The following VSTM2A variants were observed in gnomAD, a reference collection of about 807,000 sequenced individuals.
VSTM2A encodes the protein V-set and transmembrane domain-containing protein 2A.
In VSTM2A, 13 loss-of-function variants were observed where a neutral mutation model predicts 27.3. The ratio of observed to expected loss-of-function variants is 0.48; its 90% CI spans 0.31 to 0.76. The LOEUF (loss-of-function observed/expected upper bound fraction) is 0.76, where lower values mean the gene tolerates loss of function less well. VSTM2A is among the 30% of genes least tolerant of loss of function. The probability of loss-of-function intolerance (pLI) is 0.05; values close to 1 mark genes in which losing one functional copy is unlikely to be tolerated. For synonymous variants in VSTM2A, 142 were observed against 125.7 expected, an observed-to-expected ratio of 1.13 and a Z score of -0.87; for missense variants, 280 against 310.0, an observed-to-expected ratio of 0.90 and a Z score of 0.73.
chr7:54,569,053 G>A, intron 4 of VSTM2A, 78 bp from the exon 5 acceptor site: 2 of 1,606,752 alleles, frequency 1.2e-6, no homozygotes, highest in Non-Finnish European at 8.5e-7. Context: ...CCTGCTTCTT[G>A]TTTGTGGCTT....
At chr7:54,546,568 C>T in intron 2 of VSTM2A, 1 of 152,598 alleles carries the variant, frequency 6.6e-6, no homozygotes, top group Non-Finnish European at 1.4e-5. Flanking sequence ...CCCCGCCTGC[C>T]CGCCCGCCCA....
chr7:54,562,492 T>C (rs1015632706), intron 4 of VSTM2A, among the ~76,000 whole-genome samples: 4 of 152,216 alleles, frequency 2.6e-5, no homozygotes, highest in Admixed American at 2.6e-4. Flanking sequence ...AGGTATTCTT[T>C]ATTTCACCAA....
chr7:54,550,380 G>A lies in VSTM2A; in HGVS notation c.634+210G>A, dbSNP rs1364039408. 5 of 1,374,508 alleles carry A rather than the reference G, an allele frequency of 3.6e-6. No individual in the cohort carries two copies. In the East Asian group the frequency reaches 1.0e-4, roughly 28 times the overall value. The allele number at this position is 1,374,508 out of a possible 1,614,324, so 85.1% of individuals were successfully genotyped here. ...GGTGCACCCCGTCAGTCCCCTAGTG[G>A]TGCTTCATTTCCAGGGCATCTGAGA... is the stretch of plus-strand genomic sequence containing the variant. On this transcript the variant is annotated intron_variant, in intron 4 of 4. Coordinates refer to ENST00000402613, the MANE Select transcript of VSTM2A (RefSeq NM_001301009.2).
In VSTM2A at chr7:54,548,822, A is replaced by G. The variant is rs188127075; in HGVS notation, c.298-1012A>G. 1.1e-4 allele frequency among the ~76,000 whole-genome samples: 17 copies of G among 152,126 alleles called. No individual in the cohort carries two copies. The East Asian group carries it at 3.3e-3, about 29-fold the overall frequency. On this transcript the variant is annotated intron_variant, in intron 3 of 4. Transcript: ENST00000402613. ...GCTTCTCAGGTTTTCCTAGTAATTT[A>G]TGGCCGTTTGAAAGTGTAGTGGCCA...
chr7:54,557,253 G>A (rs190438893), intron 4 of VSTM2A: 1 of 152,214 alleles, frequency 6.6e-6, no homozygotes, highest in African/African-American at 2.4e-5. Context: ...AGCGGTTAAA[G>A]AGGAAGGCTG....
intron 4 of VSTM2A, chr7:54,553,814 A>G (rs1298935016): frequency 6.5e-7 from 1 of 1,547,920 alleles, no homozygotes; most frequent in African/African-American, 1.4e-5. Flanking sequence ...CATGCCCCCA[A>G]ATACCCCAAT....
chr7:54,561,223 G>A (rs778076581), intron 4 of VSTM2A, among the ~76,000 whole-genome samples: 2 of 152,096 alleles, frequency 1.3e-5, no homozygotes, highest in Non-Finnish European at 2.9e-5. Flanking sequence ...CTGAACTTTG[G>A]GTGTCATTGC....
At chr7:54,553,158 C>T (rs776056282) in intron 4 of VSTM2A, among the ~76,000 whole-genome samples, 3 of 152,348 alleles carry the variant, frequency 2.0e-5, no homozygotes, top group Middle Eastern at 3.4e-3. Flanking sequence ...TTATTTAATA[C>T]GGCTAGTCCC....
intron 4 of VSTM2A, chr7:54,552,353 G>A (rs1051928336): frequency 3.3e-5 from 5 of 151,954 alleles, no homozygotes; most frequent in Admixed American, 6.6e-5. Flanking sequence ...TCAGAAGCTG[G>A]GGCAGTCCAG....
In VSTM2A at chr7:54,569,242, C is replaced by T. The variant is rs1480174944; in HGVS notation, c.*23C>T. Reference sequence around the variant, plus strand: ...TAATTCACTACACAAGGAGCGCCTGCTTCCGGAAGCATAAATGAAGAGGCT... The same window carrying T: ...TAATTCACTACACAAGGAGCGCCTGTTTCCGGAAGCATAAATGAAGAGGCT... On this transcript the variant is annotated 3_prime_UTR_variant, in exon 5 of 5. Transcript: ENST00000402613. 1.3e-6 allele frequency: 2 copies of T among 1,551,346 alleles called. No homozygotes were observed. Among genetic ancestry groups the T allele is most frequent in the East Asian group, 2.4e-5 (1 of 40,928 alleles).
intron 4 of VSTM2A, among the ~76,000 whole-genome samples, chr7:54,556,696 G>C (rs971671781): frequency 2.6e-5 from 4 of 152,160 alleles, no homozygotes; most frequent in Admixed American, 2.0e-4. Flanking sequence ...GGATAATACA[G>C]GCCAAGGAAT....
At position 54,570,319 on chromosome 7, in the gene VSTM2A, G is replaced by A. The variant is rs191496674; in HGVS notation, c.*1100G>A. Reference sequence around the variant, plus strand: ...TGCTTCTAGAAAATTTGCCTAGGAGGCGAATGTGGGGAAGGTGAAGCACTC... The same window carrying A: ...TGCTTCTAGAAAATTTGCCTAGGAGACGAATGTGGGGAAGGTGAAGCACTC... On this transcript the variant is annotated 3_prime_UTR_variant, in exon 5 of 5. Coordinates refer to ENST00000402613, the MANE Select transcript of VSTM2A (RefSeq NM_001301009.2). 1 of 152,124 alleles carries A rather than the reference G, an allele frequency of 6.6e-6. No homozygotes were observed. The highest frequency in any genetic ancestry group is 2.4e-5 in the African/African-American group (1 of 41,432). 9.4% of individuals were successfully genotyped at this position (152,124 alleles called of 1,614,324 possible).
intron 4 of VSTM2A, among the ~76,000 whole-genome samples, chr7:54,560,175 T>C (rs974259959): frequency 6.6e-6 from 1 of 152,128 alleles, no homozygotes; most frequent in African/African-American, 2.4e-5. Context: ...AGTAAAATAA[T>C]GGTGTATAAT....
chr7:54,568,438 G>A (rs1788788855), intron 4 of VSTM2A, among the ~76,000 whole-genome samples: 1 of 152,034 alleles, frequency 6.6e-6, no homozygotes. Context: ...AGAAAAGAAT[G>A]CAACACTACA....
In VSTM2A at chr7:54,542,603, C is replaced by T. The variant is rs1458910741; in HGVS notation, c.-128C>T. 1 of 780,068 alleles carries T rather than the reference C, an allele frequency of 1.3e-6. No homozygotes were observed. The highest frequency in any genetic ancestry group is 1.7e-5 in the South Asian group (1 of 59,348). The allele number at this position is 780,068 out of a possible 1,614,324, so 48.3% of individuals were successfully genotyped here. Reference sequence around the variant, plus strand: ...CTCCCCACAGCCAGCCCTCGCCAAGCAAGCAGCAGGATGTTTGCAGTGTCG... The same window carrying T: ...CTCCCCACAGCCAGCCCTCGCCAAGTAAGCAGCAGGATGTTTGCAGTGTCG... On this transcript the variant is annotated 5_prime_UTR_variant, in exon 1 of 5. Transcript: ENST00000402613.
intron 4 of VSTM2A, chr7:54,559,923 C>T (rs1380467757): frequency 2.0e-5 from 3 of 151,836 alleles, no homozygotes; most frequent in Non-Finnish European, 4.4e-5. Flanking sequence ...CAGTCTGAGC[C>T]ATGTGCATAG....
chr7:54,543,439 C>T (rs1787848652), intron 1 of VSTM2A, among the ~76,000 whole-genome samples: 1 of 152,110 alleles, frequency 6.6e-6, no homozygotes, highest in Admixed American at 6.5e-5. Context: ...GCAGAAATGC[C>T]ATACTCCTTC....
chr7:54,544,581 G>C, intron 1 of VSTM2A, 41 bp from the exon 2 acceptor site: 1 of 1,611,978 alleles, frequency 6.2e-7, no homozygotes, highest in Non-Finnish European at 8.5e-7. Flanking sequence ...TCAGGCAAGA[G>C]GGGTGTGGAT....
chr7:54,552,029 C>G (rs953656197), intron 4 of VSTM2A: 1 of 152,108 alleles, frequency 6.6e-6, no homozygotes, highest in Non-Finnish European at 1.5e-5. Flanking sequence ...TATCTCTTAG[C>G]GCTGTGATTA....
Sources: gnomAD v4.1 joint callset for allele counts (sites outside exome capture counted in the v4.1 genomes callset) on GRCh38, gnomAD v4.1.1 for gene constraint, MANE v1.5 for transcripts, NCBI Gene and HGNC (gene_info 2026-07-23, HGNC 2026-07-21) for gene names.